The following WWP2 variants were observed in gnomAD, a reference collection of about 807,000 sequenced individuals.
WWP2 encodes the protein NEDD4-like E3 ubiquitin-protein ligase WWP2.
A neutral mutation model predicts 121.0 loss-of-function variants in WWP2; 57 were observed. The ratio of observed to expected loss-of-function variants is 0.47; its 90% CI spans 0.38 to 0.59. The LOEUF (loss-of-function observed/expected upper bound fraction) is 0.59, where lower values mean the gene tolerates loss of function less well. Among genes scored for constraint, WWP2 ranks in the 20% least tolerant of loss-of-function variants. The pLI is 0.00. For synonymous variants in WWP2, 449 were observed against 441.3 expected, an observed-to-expected ratio of 1.02 and a Z score of -0.22; for missense variants, 962 against 1,158.9, an observed-to-expected ratio of 0.83 and a Z score of 2.47.
intron 7 of WWP2, among the ~76,000 whole-genome samples, chr16:69,877,907 A>T (rs770125746): frequency 6.6e-6 from 1 of 152,142 alleles, no homozygotes; most frequent in African/African-American, 2.4e-5. Flanking sequence ...TCCCAGGTTC[A>T]AGCGATTCTC....
chr16:69,784,033 C>T (rs574058763), intron 1 of WWP2, among the ~76,000 whole-genome samples: 2 of 151,806 alleles, frequency 1.3e-5, no homozygotes, highest in Non-Finnish European at 2.9e-5. Flanking sequence ...TGGGAGGTCT[C>T]CCAGACTCTT....
In WWP2 at chr16:69,785,034, G is replaced by A. The variant is rs547004683; in HGVS notation, c.-15-1962G>A. Among the ~76,000 whole-genome samples the A allele has an allele frequency of 3.3e-4, 50 of 151,886 alleles. No individual in the cohort carries two copies. In the South Asian group the frequency reaches 0.01, roughly 32 times the overall value. On this transcript the variant is annotated intron_variant, in intron 1 of 23. Coordinates refer to ENST00000359154, the MANE Select transcript of WWP2 (RefSeq NM_001270454.2). ...GCGGATCACTTGAGGTTAGGAGTTC[G>A]AGACCAGCTTGGCCAACATGGCGAA...
At chr16:69,764,114 C>G (rs552345590) in intron 1 of WWP2, among the ~76,000 whole-genome samples, 38 of 152,332 alleles carry the variant, frequency 2.5e-4, no homozygotes, top group Admixed American at 3.9e-4. Context: ...CTTTAGATTT[C>G]AGAGCTAGTA....
intron 6 of WWP2, among the ~76,000 whole-genome samples, chr16:69,843,332 C>T (rs2057013977): frequency 6.6e-6 from 1 of 151,796 alleles, no homozygotes; most frequent in Admixed American, 6.6e-5. Context: ...CATTTTATAC[C>T]TGTGTTAGTG....
intron 6 of WWP2, among the ~76,000 whole-genome samples, chr16:69,851,983 T>TAAAACAAAAC (rs58923591): frequency 0.37 from 56,142 of 150,232 alleles, 10,777 homozygotes; most frequent in East Asian, 0.5. Flanking sequence ...AGATTCCAGC[T>TAAAACAAAAC]AAAACAAAAC....
chr16:69,930,195 A>G lies in WWP2; in HGVS notation c.1382A>G (p.Tyr461Cys). Residue 461 changes from tyrosine (Y) to cysteine (C), a missense_variant, in exon 13 of 24, where the codon TAC becomes TGC. Physicochemically the swap from Tyr to Cys is radical, Grantham distance 194. Around this residue, in one of 3 missense-constraint regions of WWP2, gnomAD observed 606 missense variants for 772.6 expected, o/e 0.78. Transcript: ENST00000359154. ...AAATACACCAGCGAGGGGGTGCGAT[A>G]CTTTGTGGACCACAATACCCGCACC... ...EMKYTSEGVR[Y>C]FVDHNTRTTT... 3 of 1,614,006 alleles carry G rather than the reference A, an allele frequency of 1.9e-6. No individual in the cohort carries two copies. The highest frequency in any genetic ancestry group is 2.5e-6 in the Non-Finnish European group (3 of 1,179,950).
intron 8 of WWP2, among the ~76,000 whole-genome samples, chr16:69,901,796 T>C (rs1200953082): frequency 6.6e-6 from 1 of 152,088 alleles, no homozygotes; most frequent in Non-Finnish European, 1.5e-5. Context: ...TTGAAAAGAA[T>C]TGCTGTTAGC....
chr16:69,859,812 C>A (rs953984776), intron 6 of WWP2, among the ~76,000 whole-genome samples: 2 of 151,960 alleles, frequency 1.3e-5, no homozygotes, highest in African/African-American at 4.8e-5. Context: ...CTGGAGAAGG[C>A]GCTCTGCTTC....
intron 4 of WWP2, among the ~76,000 whole-genome samples, chr16:69,833,207 T>A (rs758842944): frequency 2.0e-5 from 3 of 152,238 alleles, no homozygotes; most frequent in African/African-American, 7.2e-5. Flanking sequence ...AAGATTGATA[T>A]ATCTTTTCAG....
intron 2 of WWP2, among the ~76,000 whole-genome samples, chr16:69,792,569 G>A (rs1386829779): frequency 6.6e-6 from 1 of 152,164 alleles, no homozygotes; most frequent in Non-Finnish European, 1.5e-5. Flanking sequence ...ATTAACTGTA[G>A]GTTACAAATG....
intron 7 of WWP2, among the ~76,000 whole-genome samples, chr16:69,878,751 T>G (rs1043377609): frequency 5.3e-5 from 8 of 152,210 alleles, no homozygotes; most frequent in Non-Finnish European, 5.9e-5. Flanking sequence ...GTTCCATAAT[T>G]CATCTAACCA....
At chr16:69,898,794 C>T (rs2058149633) in intron 8 of WWP2, among the ~76,000 whole-genome samples, 1 of 152,156 alleles carries the variant, frequency 6.6e-6, no homozygotes, top group Non-Finnish European at 1.5e-5. Flanking sequence ...ACCTCTGCCT[C>T]CCAGGTTCAA....
intron 2 of WWP2, among the ~76,000 whole-genome samples, chr16:69,794,742 G>T (rs965149425): frequency 6.6e-6 from 1 of 152,110 alleles, no homozygotes; most frequent in African/African-American, 2.4e-5. Flanking sequence ...AAAAATCATT[G>T]TTGCCTTGGC....
chr16:69,802,885 A>G (rs1274572184), intron 4 of WWP2, among the ~76,000 whole-genome samples: 3 of 152,056 alleles, frequency 2.0e-5, no homozygotes, highest in African/African-American at 4.8e-5. Context: ...GATTACAGGC[A>G]TAAACCACCG....
At chr16:69,900,316 CT>C (rs1273784174) in intron 8 of WWP2, among the ~76,000 whole-genome samples, 1 of 152,102 alleles carries the variant, frequency 6.6e-6, no homozygotes, top group Non-Finnish European at 1.5e-5. Flanking sequence ...AACCTTTTAT[CT>C]GCAAAAATGT....
chr16:69,819,626 T>G (rs1340300688), intron 4 of WWP2, among the ~76,000 whole-genome samples: 1 of 152,212 alleles, frequency 6.6e-6, no homozygotes, highest in Admixed American at 6.5e-5. Flanking sequence ...TAGGCTGGTC[T>G]TGAACTCCTG....
intron 1 of WWP2, among the ~76,000 whole-genome samples, chr16:69,763,307 G>T (rs971438406): frequency 6.6e-6 from 1 of 152,202 alleles, no homozygotes; most frequent in Non-Finnish European, 1.5e-5. Context: ...TAGGGTGCCT[G>T]AGAGGTCTGT....
chr16:69,790,006 G>T (rs1255481598), intron 2 of WWP2, among the ~76,000 whole-genome samples: 2 of 152,322 alleles, frequency 1.3e-5, no homozygotes, highest in Non-Finnish European at 1.5e-5. Flanking sequence ...ACTTTGAGAG[G>T]CTGAGGCAGA....
At chr16:69,886,724 C>CAA (rs2057932201) in intron 7 of WWP2, among the ~76,000 whole-genome samples, 1 of 152,188 alleles carries the variant, frequency 6.6e-6, no homozygotes, top group African/African-American at 2.4e-5. Flanking sequence ...GGCGCCATTC[C>CAA]ACTCCAGCTT....
Sources: allele counts gnomAD v4.1 joint callset (sites outside exome capture counted in the v4.1 genomes callset), GRCh38; gene constraint gnomAD v4.1.1; regional missense constraint gnomAD v4.1.1; transcripts MANE v1.5; gene names NCBI Gene and HGNC (gene_info 2026-07-23, HGNC 2026-07-21).